TMEM132C: variants seen among roughly 807,000 people sequenced by gnomAD.
TMEM132C encodes transmembrane protein 132C.
In TMEM132C, 29 loss-of-function variants were observed where a neutral mutation model predicts 61.4. The observed-to-expected ratio is 0.47, with a 90% CI of 0.35 to 0.64. The LOEUF (loss-of-function observed/expected upper bound fraction) is 0.64. TMEM132C is among the 30% of genes least tolerant of loss of function. The pLI is 0.00. For missense variants in TMEM132C, 1,408 were observed against 1,476.9 expected (o/e 0.95, Z 0.76); for synonymous variants, 656 against 633.1 (o/e 1.04, Z -0.54).
chr12:128,286,553 A>G (rs1871079960), intron 1 of TMEM132C, among the ~76,000 whole-genome samples: 2 of 152,264 alleles, frequency 1.3e-5, no homozygotes, highest in African/African-American at 4.8e-5. Flanking sequence ...TAAATATGAA[A>G]TGGCAGCTTT....
chr12:128,458,851 A>G (rs958260369), intron 2 of TMEM132C, among the ~76,000 whole-genome samples: 1 of 152,162 alleles, frequency 6.6e-6, no homozygotes, highest in Admixed American at 6.5e-5. Context: ...CCATCTACAC[A>G]TTGCCTCTTT....
chr12:128,699,851 C>G (rs2135659222), intron 8 of TMEM132C, among the ~76,000 whole-genome samples: 1 of 152,294 alleles, frequency 6.6e-6, no homozygotes, highest in East Asian at 1.9e-4. Context: ...AGAGTGTCAG[C>G]AGGAGGGACC....
At chr12:128,552,753 A>G (rs1224177472) in intron 3 of TMEM132C, among the ~76,000 whole-genome samples, 1 of 152,110 alleles carries the variant, frequency 6.6e-6, no homozygotes, top group Non-Finnish European at 1.5e-5. Flanking sequence ...CTAAAAATAC[A>G]AAAATTAAGC....
chr12:128,506,068 A>G (rs1168525248), intron 2 of TMEM132C, among the ~76,000 whole-genome samples: 1 of 152,180 alleles, frequency 6.6e-6, no homozygotes, highest in Non-Finnish European at 1.5e-5. Flanking sequence ...TCAAGCCTGG[A>G]TATAAGCAGT....
chr12:128,604,142 G>A (rs1431305471), intron 3 of TMEM132C, among the ~76,000 whole-genome samples: 2 of 152,192 alleles, frequency 1.3e-5, no homozygotes, highest in Non-Finnish European at 2.9e-5. Flanking sequence ...GAACCAATGG[G>A]GTGGATGAGT....
intron 2 of TMEM132C, among the ~76,000 whole-genome samples, chr12:128,473,249 T>C (rs1285074032): frequency 5.7e-5 from 8 of 139,176 alleles, no homozygotes; most frequent in Non-Finnish European, 1.2e-4. Context: ...CCAGCGTCTA[T>C]CTTCATCCTC....
chr12:128,410,208 TACA>T (rs1374220077), intron 1 of TMEM132C, among the ~76,000 whole-genome samples: 3 of 152,116 alleles, frequency 2.0e-5, no homozygotes, highest in Non-Finnish European at 4.4e-5. Context: ...AAAGAAGAGT[TACA>T]AGAATAGTGA....
At chr12:128,385,833 G>A (rs1342912912) in intron 1 of TMEM132C, among the ~76,000 whole-genome samples, 5 of 152,206 alleles carry the variant, frequency 3.3e-5, no homozygotes, top group African/African-American at 1.2e-4. Flanking sequence ...ATTTGCCGCA[G>A]CCGCAAGTGA....
intron 2 of TMEM132C, among the ~76,000 whole-genome samples, chr12:128,487,478 G>C (rs891013189): frequency 2.7e-5 from 4 of 149,806 alleles, no homozygotes; most frequent in African/African-American, 9.8e-5. Flanking sequence ...GTGTGCGTGT[G>C]TGTGTGTGTG....
chr12:128,610,035 G>A (rs1478666881), intron 3 of TMEM132C, among the ~76,000 whole-genome samples: 1 of 152,222 alleles, frequency 6.6e-6, no homozygotes, highest in Non-Finnish European at 1.5e-5. Flanking sequence ...GTGCCACCAA[G>A]GGATGTGCCT....
chr12:128,307,304 T>C (rs1871816903), intron 1 of TMEM132C, among the ~76,000 whole-genome samples: 1 of 152,114 alleles, frequency 6.6e-6, no homozygotes, highest in Non-Finnish European at 1.5e-5. Context: ...GATGTTGAGT[T>C]ATCAAAATAT....
rs951551892 is a variant in TMEM132C, at chr12:128,359,807, G to A, written c.86-54925G>A. ...TGGTGTTACTCATCAAGTAGATGCC[G>A]TTCAACAGAAACCTGATTGGCGCTA... On this transcript the variant is annotated intron_variant, in intron 1 of 8. Transcript: ENST00000435159. Among the ~76,000 whole-genome samples, 19 of 152,214 alleles carry A rather than the reference G, an allele frequency of 1.2e-4. No individual in the cohort carries two copies. The East Asian group carries it at 2.5e-3, about 20-fold the overall frequency.
chr12:128,700,729 A>C (rs1237406369), intron 8 of TMEM132C, among the ~76,000 whole-genome samples: 1 of 152,224 alleles, frequency 6.6e-6, no homozygotes, highest in Admixed American at 6.5e-5. Context: ...GGATCGAAAA[A>C]TGAAAGGAGA....
chr12:128,367,628 C>T (rs1873908177), intron 1 of TMEM132C, among the ~76,000 whole-genome samples: 1 of 152,224 alleles, frequency 6.6e-6, no homozygotes, highest in Non-Finnish European at 1.5e-5. Flanking sequence ...TAGACCTTCC[C>T]TGTCCAGTGC....
At chr12:128,675,877 ATAGATAAATAG>A (rs1954581115) in intron 5 of TMEM132C, among the ~76,000 whole-genome samples, 2 of 89,332 alleles carry the variant, frequency 2.2e-5, no homozygotes, top group African/African-American at 7.7e-5. Context: ...AGATAGATAG[ATAGATAAATAG>A]ATAGATAGAT....
At chr12:128,564,123 C>T (rs764779041) in intron 3 of TMEM132C, among the ~76,000 whole-genome samples, 34 of 152,200 alleles carry the variant, frequency 2.2e-4, no homozygotes, top group Non-Finnish European at 2.9e-5. Flanking sequence ...CCTCACATGG[C>T]AGAGAGAGCA....
intron 2 of TMEM132C, among the ~76,000 whole-genome samples, chr12:128,472,584 G>A (rs1187007644): frequency 2.0e-5 from 3 of 152,178 alleles, no homozygotes; most frequent in Non-Finnish European, 1.5e-5. Context: ...ATGATATCAA[G>A]GCAGACCTTT....
At chr12:128,560,309 C>A (rs1365247786) in intron 3 of TMEM132C, among the ~76,000 whole-genome samples, 1 of 152,186 alleles carries the variant, frequency 6.6e-6, no homozygotes, top group Non-Finnish European at 1.5e-5. Context: ...AATCCCCAAG[C>A]TTGGTTGTGG....
chr12:128,408,028 A>G (rs7316452), intron 1 of TMEM132C, among the ~76,000 whole-genome samples: 1,623 of 133,074 alleles, frequency 0.012, 33 homozygotes, highest in African/African-American at 0.04. Context: ...TCCTTTCTTT[A>G]TGGTCTGTCT....
Sources: allele counts gnomAD v4.1 joint callset (sites outside exome capture counted in the v4.1 genomes callset), GRCh38; gene constraint gnomAD v4.1.1; transcripts MANE v1.5; gene names NCBI Gene and HGNC (gene_info 2026-07-23, HGNC 2026-07-21).